The following RSRP1 variants were observed in gnomAD, a reference collection of about 807,000 sequenced individuals.
The protein encoded by RSRP1 is arginine/serine-rich protein 1.
In RSRP1, 37 loss-of-function variants were observed where a neutral mutation model predicts 33.0. That is an observed-to-expected ratio of 1.12 (90% confidence interval 0.86 to 1.48). The LOEUF is 1.48. Ranked by LOEUF, RSRP1 falls within the 40% of genes most tolerant of loss-of-function variation. The pLI, the probability that RSRP1 is intolerant of heterozygous loss-of-function variation, is 0.00. For missense variants in RSRP1, 402 were observed against 385.3 expected, an observed-to-expected ratio of 1.04 and a Z score of -0.36; for synonymous variants, 167 against 158.7, an observed-to-expected ratio of 1.05 and a Z score of -0.40.
intron 1 of RSRP1, among the ~76,000 whole-genome samples, chr1:25,286,824 T>C (rs1395784803): frequency 7.6e-6 from 1 of 131,844 alleles, no homozygotes; most frequent in Admixed American, 7.3e-5. Context: ...CCAGGCGCGG[T>C]GGTTCATGCC....
rs1399412533 is a variant in RSRP1 at position 25,295,862 on chromosome 1, T to G, written c.-67+42116A>C. ...GGGAATATGGGAAATTTTTTTTTTT[T>G]TTTTTTTTTTTTTTTTTGAGATGGA... On this transcript the variant is annotated intron_variant, in intron 1 of 1. Transcript: ENST00000561867. Among the ~76,000 whole-genome samples, 29 of 103,332 alleles carry G rather than the reference T, an allele frequency of 2.8e-4. 4 individuals carry two copies. Among genetic ancestry groups the G allele is most frequent in the East Asian group, 1.0e-3 (5 of 4,840 alleles). 67.8% of individuals were successfully genotyped at this position (103,332 alleles called of 152,430 possible). A position where few individuals can be genotyped will look rare whatever the true frequency, so the allele number is the denominator to read the frequency against.
Position 25,322,509 on chromosome 1 carries a change from C to T in RSRP1, c.-67+15469G>A, listed in dbSNP as rs1215070774. 1.5e-5 allele frequency among the ~76,000 whole-genome samples: 2 copies of T among 132,256 alleles called. 1 individual carries two copies. Among genetic ancestry groups the T allele is most frequent in the African/African-American group, 5.2e-5 (2 of 38,776 alleles). 86.8% of individuals were successfully genotyped at this position (132,256 alleles called of 152,430 possible). A position where few individuals can be genotyped will look rare whatever the true frequency, so the allele number is the denominator to read the frequency against. On this transcript the variant is annotated intron_variant, in intron 1 of 1. Coordinates refer to the RSRP1 transcript ENST00000561867. ...CCAACGTGTCGAAACCCCATCTCTACTAAAAATACAAAAGTTAGCTGGGTG... is the reference window on the plus strand; with the variant it reads ...CCAACGTGTCGAAACCCCATCTCTATTAAAAATACAAAAGTTAGCTGGGTG...
chr1:25,334,228 T>G lies in RSRP1; in HGVS notation c.-67+3750A>C, dbSNP rs1337087544. ...TACAGCCATTCCAAATGGGATAAAT[T>G]GGTCAAAACAAAGAGGCTACAGGCC... On this transcript the variant is annotated intron_variant, in intron 1 of 1. Transcript: ENST00000561867. Among the ~76,000 whole-genome samples the G allele has an allele frequency of 5.3e-5, 7 of 130,912 alleles. 1 individual carries two copies. The highest frequency in any genetic ancestry group is 1.8e-4 in the African/African-American group (7 of 38,044). 85.9% of individuals were successfully genotyped at this position (130,912 alleles called of 152,430 possible). A position where few individuals can be genotyped will look rare whatever the true frequency, so the allele number is the denominator to read the frequency against.
At position 25,306,654 on chromosome 1, in the gene RSRP1, G is replaced by A. The variant is rs144996388; in HGVS notation, c.-67+31324C>T. On this transcript the variant is annotated intron_variant, in intron 1 of 1. Transcript: ENST00000561867. ...AGCTCCATCATGGGCTACAACTTCA[G>A]CTTGCTGGGTCTGCTTGGAGAGATC... The A allele has an allele frequency of 6.0e-5, 83 of 1,378,792 alleles. 14 individuals are homozygous for A. In the African/African-American group the frequency reaches 8.8e-4, roughly 15 times the overall value. 85.4% of individuals were successfully genotyped at this position (1,378,792 alleles called of 1,614,324 possible).
At chr1:25,305,543 C>T (rs1643744780) in intron 1 of RSRP1, among the ~76,000 whole-genome samples, 1 of 128,646 alleles carries the variant, frequency 7.8e-6, no homozygotes, top group Non-Finnish European at 1.8e-5. Context: ...ATTACAGGTG[C>T]CCACCACCAT....
Position 25,320,792 on chromosome 1 carries a change from A to G in RSRP1, c.-67+17186T>C. ...CACAGTGGCTCACACCTGTAATCGC[A>G]GCCATTTAGAAGGCAAAGGCGGGCA... On this transcript the variant is annotated intron_variant, in intron 1 of 1. Coordinates refer to the RSRP1 transcript ENST00000561867. 1.5e-5 allele frequency among the ~76,000 whole-genome samples: 2 copies of G among 131,936 alleles called. 1 individual carries two copies. Among genetic ancestry groups the G allele is most frequent in the Non-Finnish European group, 3.6e-5 (2 of 55,698 alleles). 86.6% of individuals were successfully genotyped at this position (131,936 alleles called of 152,430 possible).
intron 1 of RSRP1, among the ~76,000 whole-genome samples, chr1:25,256,111 A>G (rs1413827249): frequency 1.3e-5 from 2 of 151,872 alleles, no homozygotes; most frequent in African/African-American, 2.4e-5. Context: ...AACGCTATTA[A>G]TGGATAAGTT....
In RSRP1 at chr1:25,278,211, G is replaced by A. The variant is rs558010285; in HGVS notation, c.-66-31182C>T. Among the ~76,000 whole-genome samples the A allele has an allele frequency of 6.9e-4, 90 of 129,982 alleles. 8 individuals carry two copies. The highest frequency in any genetic ancestry group is 1.9e-3 in the African/African-American group (73 of 38,236). 85.3% of individuals were successfully genotyped at this position (129,982 alleles called of 152,430 possible). A position where few individuals can be genotyped will look rare whatever the true frequency, so the allele number is the denominator to read the frequency against. The stretch of plus-strand genomic sequence containing the variant: ...TTGATGAAAAGAGTGGGGAGTTAAG[G>A]CTGGCTGCAGATGTATGATTTGGCA... On this transcript the variant is annotated intron_variant, in intron 1 of 1. Coordinates refer to the RSRP1 transcript ENST00000561867.
chr1:25,284,499 A>C, intron 1 of RSRP1: 1 of 1,270,690 alleles, frequency 7.9e-7, no homozygotes, highest in Middle Eastern at 1.9e-4. Context: ...CCATTTAGTA[A>C]GACTCTAATT....
Position 25,296,638 on chromosome 1 carries a change from G to A in RSRP1, c.-67+41340C>T, listed in dbSNP as rs1642982831. On this transcript the variant is annotated intron_variant, in intron 1 of 1. Coordinates refer to the RSRP1 transcript ENST00000561867. The stretch of plus-strand genomic sequence containing the variant: ...ACGTGTTGAGGGCATGACCTCGTGG[G>A]AGGTGATTGGATCACAGGGGTGGTT... 3.0e-5 allele frequency among the ~76,000 whole-genome samples: 4 copies of A among 131,508 alleles called. 1 individual carries two copies. In the South Asian group the frequency reaches 9.3e-4, roughly 31 times the overall value. The allele number at this position is 131,508 out of a possible 152,430, so 86.3% of individuals were successfully genotyped here.
Position 25,259,180 on chromosome 1 carries a change from G to A in RSRP1, c.-66-12151C>T, listed in dbSNP as rs28581716. Among the ~76,000 whole-genome samples the A allele has an allele frequency of 5.5e-3, 835 of 151,792 alleles. 10 individuals are homozygous for A. Among genetic ancestry groups the A allele is most frequent in the African/African-American group, 0.019 (776 of 41,362 alleles). ...ACCATCTTGGCTCACTGCAACCTCTGCCTCCTGGGTTCAAGCGAATCTCCT... is the reference window on the plus strand; with the variant it reads ...ACCATCTTGGCTCACTGCAACCTCTACCTCCTGGGTTCAAGCGAATCTCCT... On this transcript the variant is annotated intron_variant, in intron 1 of 1. Transcript: ENST00000561867.
Position 25,277,823 on chromosome 1 carries a change from C to T in RSRP1, c.-66-30794G>A, listed in dbSNP as rs59336189. Among the ~76,000 whole-genome samples the T allele has an allele frequency of 1.3e-3, 155 of 123,946 alleles. 22 individuals carry two copies. Among genetic ancestry groups the T allele is most frequent in the African/African-American group, 3.8e-3 (139 of 36,582 alleles). The allele number at this position is 123,946 out of a possible 152,430, so 81.3% of individuals were successfully genotyped here. ...CCGAGTAGCTGGGATTACAGGCATGCGCCACCACGCCCGGCTAATTTTGTA... is the reference window on the plus strand; with the variant it reads ...CCGAGTAGCTGGGATTACAGGCATGTGCCACCACGCCCGGCTAATTTTGTA... On this transcript the variant is annotated intron_variant, in intron 1 of 1. Transcript: ENST00000561867.
upstream of RSRP1, among the ~76,000 whole-genome samples, chr1:25,250,425 G>A (rs541279402): frequency 6.6e-6 from 1 of 152,274 alleles, no homozygotes; most frequent in Admixed American, 6.5e-5. Flanking sequence ...AGTCACTCAG[G>A]TTTAAACAAG....
At chr1:25,268,289 TG>T in intron 1 of RSRP1, among the ~76,000 whole-genome samples, 1 of 131,596 alleles carries the variant, frequency 7.6e-6, no homozygotes, top group South Asian at 2.3e-4. Context: ...GAGGCCAAGG[TG>T]GGCAAGTCAC....
At chr1:25,244,068 T>TG (rs1238711024) in intron 3 of RSRP1, 1 of 1,209,430 alleles carries the variant, frequency 8.3e-7, no homozygotes, top group African/African-American at 1.6e-5. Context: ...CATTTTTTTT[T>TG]TTTAAGCCCC....
At chr1:25,282,725 G>A (rs1641603481) in intron 1 of RSRP1, among the ~76,000 whole-genome samples, 1 of 130,864 alleles carries the variant, frequency 7.6e-6, no homozygotes, top group South Asian at 2.3e-4. Context: ...AGGAGTTCGA[G>A]ACCAGCTTGG....
intron 1 of RSRP1, among the ~76,000 whole-genome samples, chr1:25,277,818 G>A (rs1361628809): frequency 8.1e-6 from 1 of 123,574 alleles, no homozygotes; most frequent in Admixed American, 7.9e-5. Flanking sequence ...GGGATTACAG[G>A]CATGCGCCAC....
At chr1:25,258,918 T>C (rs192171632) in intron 1 of RSRP1, among the ~76,000 whole-genome samples, 2 of 152,238 alleles carry the variant, frequency 1.3e-5, no homozygotes, top group African/African-American at 4.8e-5. Flanking sequence ...TCAGAGAAAA[T>C]GGAGTTGAAT....
chr1:25,264,625 G>C (rs1427041551), intron 1 of RSRP1, among the ~76,000 whole-genome samples: 1 of 151,048 alleles, frequency 6.6e-6, no homozygotes, highest in African/African-American at 2.4e-5. Flanking sequence ...AAAGACCTCT[G>C]ACATGCCCTG....
Sources: allele counts gnomAD v4.1 joint callset (sites outside exome capture counted in the v4.1 genomes callset), GRCh38; gene constraint gnomAD v4.1.1; transcripts MANE v1.5; gene names NCBI Gene and HGNC (gene_info 2026-07-23, HGNC 2026-07-21).